Variants in RAPGEF4 observed in about 807,000 individuals in gnomAD.
RAPGEF4 encodes Rap guanine nucleotide exchange factor 4, also known as RAP guanine-nucleotide-exchange factor (GEF) 4.
Under a neutral mutation model 147.9 loss-of-function variants are expected in RAPGEF4, and 66 were observed. The observed-to-expected ratio is 0.45, with a 90% CI of 0.37 to 0.55. The LOEUF is 0.55. Among genes scored for constraint, RAPGEF4 ranks in the 20% least tolerant of loss-of-function variants. The probability of loss-of-function intolerance (pLI) is 0.00; values close to 1 mark genes in which losing one functional copy is unlikely to be tolerated. For missense variants in RAPGEF4, 1,071 were observed against 1,257.3 expected, an observed-to-expected ratio of 0.85 and a Z score of 2.24; for synonymous variants, 419 against 442.7, an observed-to-expected ratio of 0.95 and a Z score of 0.67.
chr2:173,043,027 TC>T (rs1684959508), intron 29 of RAPGEF4, among the ~76,000 whole-genome samples: 1 of 152,198 alleles, frequency 6.6e-6, no homozygotes, highest in South Asian at 2.1e-4. Context: ...TTATCTCTGG[TC>T]CTCACTGTGC....
At position 172,795,103 on chromosome 2, in the gene RAPGEF4, C is replaced by T. The variant is rs745939282; in HGVS notation, c.144C>T (p.His48=). The T allele has an allele frequency of 1.2e-6, 2 of 1,612,992 alleles. No homozygotes were observed. The highest frequency in any genetic ancestry group is 1.7e-6 in the Non-Finnish European group (2 of 1,179,134). Residue 48 remains histidine, a synonymous_variant, in exon 2 of 31, where the codon CAC becomes CAT. Coordinates refer to ENST00000397081, the MANE Select transcript of RAPGEF4 (RefSeq NM_007023.4). ...AAGTTAAAGCTTTTGAGAAATTTCA[C>T]CCAAATCTCCTTCATCAGATTTGCT... ...LKEVKAFEKF[H]PNLLHQICLC...
intron 1 of RAPGEF4, among the ~76,000 whole-genome samples, chr2:172,756,542 T>C (rs1695795420): frequency 6.6e-6 from 1 of 152,216 alleles, no homozygotes; most frequent in Admixed American, 6.5e-5. Flanking sequence ...CCCTTTTGTG[T>C]CTAGACTCCT....
chr2:172,986,176 C>T lies in RAPGEF4; in HGVS notation c.1150+683C>T, dbSNP rs575152973. Among the ~76,000 whole-genome samples, 19 of 152,344 alleles carry T rather than the reference C, an allele frequency of 1.2e-4. No individual in the cohort carries two copies. In the East Asian group the frequency reaches 3.5e-3, roughly 28 times the overall value. On this transcript the variant is annotated intron_variant, in intron 12 of 30. Transcript: ENST00000397081. ...GTGATCTACTAAGGTCAGGAAATGCCTCTCCAATCTCTCTTGCAGAATCAC... is the reference window on the plus strand; with the variant it reads ...GTGATCTACTAAGGTCAGGAAATGCTTCTCCAATCTCTCTTGCAGAATCAC...
intron 3 of RAPGEF4, among the ~76,000 whole-genome samples, chr2:172,799,933 C>T (rs1686803586): frequency 6.6e-6 from 1 of 152,080 alleles, no homozygotes; most frequent in African/African-American, 2.4e-5. Context: ...GGGAATATTG[C>T]CCTTAACCAG....
chr2:172,933,125 C>G (rs1489544634), intron 6 of RAPGEF4, among the ~76,000 whole-genome samples: 1 of 152,040 alleles, frequency 6.6e-6, no homozygotes. Context: ...ACTGGGAAAA[C>G]TCATTCACAA....
chr2:172,837,698 G>T (rs762616356), intron 4 of RAPGEF4, among the ~76,000 whole-genome samples: 2 of 152,126 alleles, frequency 1.3e-5, no homozygotes, highest in African/African-American at 2.4e-5. Flanking sequence ...CTCCTGATTA[G>T]CTGGGACTAC....
intron 4 of RAPGEF4, among the ~76,000 whole-genome samples, chr2:172,828,603 G>A (rs1689947702): frequency 6.6e-6 from 1 of 152,152 alleles, no homozygotes; most frequent in South Asian, 2.1e-4. Context: ...GAGAACTGAA[G>A]GTCAAACTCT....
At chr2:172,811,793 C>T (rs116040345) in intron 3 of RAPGEF4, among the ~76,000 whole-genome samples, 2,209 of 152,266 alleles carry the variant, frequency 0.015, 52 homozygotes, top group African/African-American at 0.051. Context: ...TTTCATCATA[C>T]GTGCTGAGCA....
chr2:172,830,544 T>C (rs1421925831), intron 4 of RAPGEF4, among the ~76,000 whole-genome samples: 1 of 152,188 alleles, frequency 6.6e-6, no homozygotes, highest in African/African-American at 2.4e-5. Context: ...CTTCAGATGA[T>C]GATACTTTCA....
intron 3 of RAPGEF4, 70 bp downstream of exon 3, chr2:172,797,683 T>G (rs1686519014): frequency 1.7e-6 from 2 of 1,185,898 alleles, no homozygotes; most frequent in Non-Finnish European, 2.4e-6. Context: ...ATGTCTTTTA[T>G]GCCATTAAAA....
At chr2:172,987,189 C>T (rs1384377246) in intron 12 of RAPGEF4, among the ~76,000 whole-genome samples, 1 of 152,104 alleles carries the variant, frequency 6.6e-6, no homozygotes, top group Non-Finnish European at 1.5e-5. Context: ...ACAGTCCCAG[C>T]TACTCAGGAG....
chr2:173,015,651 C>T (rs1695445080), intron 18 of RAPGEF4, among the ~76,000 whole-genome samples: 1 of 152,150 alleles, frequency 6.6e-6, no homozygotes, highest in Admixed American at 6.5e-5. Context: ...TGTAGATGAA[C>T]TAAAGTGGTG....
intron 12 of RAPGEF4, among the ~76,000 whole-genome samples, chr2:172,987,960 T>C (rs750985838): frequency 6.6e-6 from 1 of 152,252 alleles, no homozygotes; most frequent in Non-Finnish European, 1.5e-5. Context: ...TAAATTGATA[T>C]CTACTAAAAA....
chr2:172,969,932 A>T (rs558075515), intron 10 of RAPGEF4, among the ~76,000 whole-genome samples: 8 of 152,254 alleles, frequency 5.3e-5, no homozygotes, highest in African/African-American at 1.7e-4. Context: ...CTTCCATTAT[A>T]TCGCTAGTTG....
In RAPGEF4 at chr2:173,017,466, G is replaced by C; in HGVS notation, c.1970G>C (p.Arg657Thr). The C allele has an allele frequency of 1.2e-6, 2 of 1,614,192 alleles. No homozygotes were observed. The highest frequency in any genetic ancestry group is 1.7e-6 in the Non-Finnish European group (2 of 1,180,032). Residue 657 changes from arginine (R) to threonine (T), a missense_variant, in exon 21 of 31, where the codon AGA becomes ACA. Coordinates refer to ENST00000397081, the MANE Select transcript of RAPGEF4 (RefSeq NM_007023.4). Reference protein sequence around the residue: ...LLQQFNTGDERAQKRQPIRGS... With the variant: ...LLQQFNTGDETAQKRQPIRGS... The stretch of plus-strand genomic sequence containing the variant: ...CAACAGTTCAATACGGGCGATGAGA[G>C]AGCCCAGAAGCGCCAGCCTATCCGC...
intron 4 of RAPGEF4, among the ~76,000 whole-genome samples, chr2:172,842,040 G>T (rs954613224): frequency 6.6e-6 from 1 of 151,938 alleles, no homozygotes; most frequent in Non-Finnish European, 1.5e-5. Context: ...CATTTTACTC[G>T]GGAGGCTAGA....
chr2:172,857,931 A>G (rs1693627483), intron 4 of RAPGEF4, among the ~76,000 whole-genome samples: 1 of 122,414 alleles, frequency 8.2e-6, no homozygotes, highest in Non-Finnish European at 1.7e-5. Flanking sequence ...AAAAAAAAAA[A>G]AAAAAAAGGA....
At chr2:172,779,395 C>G (rs7584737) in intron 1 of RAPGEF4, among the ~76,000 whole-genome samples, 133,786 of 152,166 alleles carry the variant, frequency 0.88, 60,771 homozygotes, top group Non-Finnish European at 0.99. Context: ...AGGGCATGAG[C>G]TGGGCAGATA....
chr2:172,886,181 A>G (rs1306969988), intron 4 of RAPGEF4, among the ~76,000 whole-genome samples: 1 of 152,230 alleles, frequency 6.6e-6, no homozygotes, highest in African/African-American at 2.4e-5. Flanking sequence ...GCAATGATGT[A>G]GCTCATTTGC....
Sources: gnomAD v4.1 joint callset for allele counts (sites outside exome capture counted in the v4.1 genomes callset) on GRCh38, gnomAD v4.1.1 for gene constraint, MANE v1.5 for transcripts, NCBI Gene and HGNC (gene_info 2026-07-23, HGNC 2026-07-21) for gene names.